Variants in TYW1B observed in about 807,000 individuals in gnomAD.
TYW1B encodes the protein tRNA-yW synthesizing protein 1 homolog B.
In TYW1B, 73 loss-of-function variants were observed where a neutral mutation model predicts 86.9. That is an observed-to-expected ratio of 0.84 (90% CI 0.70 to 1.02). The LOEUF (loss-of-function observed/expected upper bound fraction) is 1.02, where lower values mean the gene tolerates loss of function less well. TYW1B is among the 50% of genes least tolerant of loss of function. TYW1B has a pLI of 0.00. For missense variants in TYW1B, 637 were observed against 827.4 expected, an observed-to-expected ratio of 0.77 and a Z score of 2.82; for synonymous variants, 248 against 292.8, an observed-to-expected ratio of 0.85 and a Z score of 1.56.
chr7:72,759,058 C>G (rs552953759), intron 7 of TYW1B, among the ~76,000 whole-genome samples: 10 of 152,252 alleles, frequency 6.6e-5, no homozygotes. Flanking sequence ...TGGCCAGGTG[C>G]GGTAGCTTAT....
intron 10 of TYW1B, among the ~76,000 whole-genome samples, chr7:72,705,104 T>C (rs1301541499): frequency 2.0e-5 from 3 of 152,202 alleles, no homozygotes; most frequent in African/African-American, 4.8e-5. Flanking sequence ...TTTACCTCTA[T>C]TGAAAGAAAC....
intron 13 of TYW1B, among the ~76,000 whole-genome samples, chr7:72,605,339 GT>G (rs797039028): frequency 1.3e-4 from 19 of 145,664 alleles, no homozygotes; most frequent in African/African-American, 3.0e-4. Context: ...GAATGTTGTG[GT>G]TTTTTTTTTG....
chr7:72,802,480 C>T lies in TYW1B; in HGVS notation c.766G>A (p.Gly256Ser), dbSNP rs1554475968. ...FESSSEEEFGGEDHQSLNSIV... is the reference protein window; with the variant it reads ...FESSSEEEFGSEDHQSLNSIV... Reference sequence around the variant, plus strand: ...GAATTTAGGCTCTGATGGTCCTCACCACCAAACTCTTCTTCACTGGAGCTC... The same window carrying T: ...GAATTTAGGCTCTGATGGTCCTCACTACCAAACTCTTCTTCACTGGAGCTC... The change falls in exon 6 of 14, where the codon GGT (glycine) becomes AGT (serine). Residue 256 changes from glycine (G) to serine (S), a missense_variant. By Grantham distance (56) the Gly-to-Ser change is moderately conservative. Transcript: ENST00000620995. 6.2e-7 allele frequency: 1 copy of T among 1,613,896 alleles called. No homozygotes were observed. Among genetic ancestry groups the T allele is most frequent in the African/African-American group, 1.3e-5 (1 of 75,026 alleles).
At position 72,802,777 on chromosome 7, in the gene TYW1B, C is replaced by T. The variant is rs1329673532; in HGVS notation, c.724-255G>A. 3.9e-5 allele frequency among the ~76,000 whole-genome samples: 6 copies of T among 152,204 alleles called. No individual in the cohort carries two copies. In the South Asian group the frequency reaches 8.3e-4, roughly 21 times the overall value. Reference sequence around the variant, plus strand: ...CTAGGATCACAGGCGCCTACCACCACGCCTGGCTAATTTTTGTAGTTTTAG... The same window carrying T: ...CTAGGATCACAGGCGCCTACCACCATGCCTGGCTAATTTTTGTAGTTTTAG... On this transcript the variant is annotated intron_variant, in intron 5 of 13. Transcript: ENST00000620995.
At chr7:72,620,008 T>C (rs1261992671) in intron 12 of TYW1B, among the ~76,000 whole-genome samples, 9 of 152,214 alleles carry the variant, frequency 5.9e-5, no homozygotes, top group Admixed American at 1.3e-4. Context: ...AGAGAATGCC[T>C]GCTGCGGTTC....
intron 10 of TYW1B, among the ~76,000 whole-genome samples, chr7:72,695,274 C>T (rs1814288835): frequency 6.6e-6 from 1 of 152,088 alleles, no homozygotes; most frequent in Non-Finnish European, 1.5e-5. Context: ...GAAACAATCC[C>T]AAAAGCTCAG....
rs556732835 is a variant in TYW1B, at chr7:72,813,880, T to C, written c.237+1500A>G. On this transcript the variant is annotated intron_variant, in intron 3 of 13. Coordinates refer to ENST00000620995, the MANE Select transcript of TYW1B (RefSeq NM_001145440.3). ...AAATACAAAAATTAGCCAGGTGTGGTGGTGGGCACCTGTAATCCCAGCTAC... is the reference window on the plus strand; with the variant it reads ...AAATACAAAAATTAGCCAGGTGTGGCGGTGGGCACCTGTAATCCCAGCTAC... Among the ~76,000 whole-genome samples the C allele has an allele frequency of 8.6e-5, 13 of 151,948 alleles. 1 individual carries two copies. In the South Asian group the frequency reaches 2.5e-3, roughly 29 times the overall value.
chr7:72,603,000 C>G lies in TYW1B; in HGVS notation c.1785+13672G>C, dbSNP rs1182656898. Among the ~76,000 whole-genome samples, 3 of 152,040 alleles carry G rather than the reference C, an allele frequency of 2.0e-5. No individual in the cohort carries two copies. In the South Asian group the frequency reaches 6.2e-4, roughly 32 times the overall value. On this transcript the variant is annotated intron_variant, in intron 13 of 13. Coordinates refer to ENST00000620995, the MANE Select transcript of TYW1B (RefSeq NM_001145440.3). ...AATAAGGTAGTACTGGATTATAACC[C>G]TAGGTAAAAAATAAATATTCATGCA...
At chr7:72,584,800 G>A (rs1278792495) in intron 13 of TYW1B, among the ~76,000 whole-genome samples, 1 of 152,070 alleles carries the variant, frequency 6.6e-6, no homozygotes, top group African/African-American at 2.4e-5. Flanking sequence ...TTGGCATTCA[G>A]TCTAAACAAT....
rs574889027 is a variant in TYW1B, at chr7:72,612,462, T to C, written c.1785+4210A>G. On this transcript the variant is annotated intron_variant, in intron 13 of 13. Transcript: ENST00000620995. Reference sequence around the variant, plus strand: ...TTATCAGGCAGGAACCATCAATAAGTGCTAAGTCAATGGGGAAACTTTGGT... The same window carrying C: ...TTATCAGGCAGGAACCATCAATAAGCGCTAAGTCAATGGGGAAACTTTGGT... Among the ~76,000 whole-genome samples, 58 of 152,314 alleles carry C rather than the reference T, an allele frequency of 3.8e-4. No individual in the cohort carries two copies. The East Asian group carries it at 4.8e-3, about 13-fold the overall frequency.
intron 7 of TYW1B, among the ~76,000 whole-genome samples, chr7:72,776,012 T>C (rs1294838341): frequency 2.0e-5 from 3 of 152,184 alleles, no homozygotes; most frequent in Non-Finnish European, 4.4e-5. Flanking sequence ...CTCAGTGTGG[T>C]GGCTTACACC....
intron 7 of TYW1B, among the ~76,000 whole-genome samples, chr7:72,767,505 G>C (rs1423425279): frequency 1.3e-5 from 2 of 152,044 alleles, no homozygotes; most frequent in Non-Finnish European, 2.9e-5. Context: ...AGCTACTCAG[G>C]AGGCTGAGGC....
chr7:72,769,991 A>G (rs1244726961), intron 7 of TYW1B, among the ~76,000 whole-genome samples: 1 of 152,062 alleles, frequency 6.6e-6, no homozygotes, highest in Non-Finnish European at 1.5e-5. Flanking sequence ...GAGACATGAT[A>G]ATCACTTGAA....
chr7:72,721,212 T>C (rs1310211197), intron 9 of TYW1B, among the ~76,000 whole-genome samples: 1 of 152,220 alleles, frequency 6.6e-6, no homozygotes, highest in African/African-American at 2.4e-5. Context: ...AACATACGTG[T>C]ACATGTGTCT....
intron 13 of TYW1B, among the ~76,000 whole-genome samples, chr7:72,615,732 T>C (rs1294982648): frequency 1.3e-5 from 2 of 151,976 alleles, no homozygotes; most frequent in Non-Finnish European, 2.9e-5. Flanking sequence ...GAAATAGAAA[T>C]TATACAAAAT....
chr7:72,784,971 C>T (rs1788103427), intron 6 of TYW1B, among the ~76,000 whole-genome samples: 1 of 151,978 alleles, frequency 6.6e-6, no homozygotes, highest in African/African-American at 2.4e-5. Context: ...TTCTCTATGT[C>T]ACAGCTCCAA....
chr7:72,794,736 G>C (rs1563096243), intron 6 of TYW1B, among the ~76,000 whole-genome samples: 1 of 152,036 alleles, frequency 6.6e-6, no homozygotes, highest in Non-Finnish European at 1.5e-5. Flanking sequence ...CCTGGAAAGA[G>C]AGTCAACTCA....
At chr7:72,817,369 CT>C (rs1247562588) in intron 2 of TYW1B, among the ~76,000 whole-genome samples, 1 of 152,032 alleles carries the variant, frequency 6.6e-6, no homozygotes, top group African/African-American at 2.4e-5. Flanking sequence ...GATCGTACCA[CT>C]GCACTCCAGC....
At chr7:72,577,677 A>G (rs369609777) in intron 13 of TYW1B, among the ~76,000 whole-genome samples, 2 of 152,080 alleles carry the variant, frequency 1.3e-5, no homozygotes, top group African/African-American at 2.4e-5. Context: ...CAGCCAATTG[A>G]CCTTCTGATT....
Sources: allele counts gnomAD v4.1 joint callset (sites outside exome capture counted in the v4.1 genomes callset), GRCh38; gene constraint gnomAD v4.1.1; transcripts MANE v1.5; gene names NCBI Gene and HGNC (gene_info 2026-07-23, HGNC 2026-07-21).